Variants in ABCA13 observed in about 807,000 individuals in gnomAD.
The protein encoded by ABCA13 is ATP binding cassette subfamily A member 13.
ABCA13 carries 476 observed loss-of-function variants against 478.7 expected under a neutral mutation model. The observed-to-expected ratio is 0.99, with a 90% CI of 0.92 to 1.07. ABCA13 has a LOEUF of 1.07. Ranked by LOEUF, ABCA13 falls within the 50% of genes least tolerant of loss-of-function variation. ABCA13 has a pLI of 0.00. For missense variants in ABCA13, 6,060 were observed against 5,910.6 expected (o/e 1.03, Z -0.83); for synonymous variants, 2,252 against 2,158.9 (o/e 1.04, Z -1.20).
chr7:48,333,570 A>C (rs1279698779), intron 27 of ABCA13, among the ~76,000 whole-genome samples: 2 of 152,158 alleles, frequency 1.3e-5, no homozygotes, highest in African/African-American at 4.8e-5. Flanking sequence ...GCCCTATGTA[A>C]AAATCTTTTA....
At chr7:48,241,126 T>C (rs370106588) in intron 10 of ABCA13, 60 bp downstream of exon 10, 3 of 1,560,106 alleles carry the variant, frequency 1.9e-6, no homozygotes, top group African/African-American at 2.7e-5. Context: ...TGTTAAAGAG[T>C]GCGTGATGAT....
intron 8 of ABCA13, among the ~76,000 whole-genome samples, chr7:48,237,930 A>G (rs1790211861): frequency 6.6e-6 from 1 of 152,214 alleles, no homozygotes; most frequent in Admixed American, 6.5e-5. Flanking sequence ...GGTATTGTTG[A>G]TTATTTTTAA....
chr7:48,339,213 G>A (rs1806739451), intron 29 of ABCA13, among the ~76,000 whole-genome samples: 3 of 152,172 alleles, frequency 2.0e-5, no homozygotes, highest in African/African-American at 7.2e-5. Context: ...GTTAGAGGAA[G>A]GCAAGACATT....
At position 48,646,314 on chromosome 7, in the gene ABCA13, GTAGTGGTCCCCATAT is replaced by G. The variant is rs1208154839; in HGVS notation, c.*806_*820del. The G allele has an allele frequency of 6.6e-6, 1 of 152,006 alleles. No individual in the cohort carries two copies. The highest frequency in any genetic ancestry group is 2.4e-5 in the African/African-American group (1 of 41,370). The allele number at this position is 152,006 out of a possible 1,614,324, so 9.4% of individuals were successfully genotyped here. A position where few individuals can be genotyped will look rare whatever the true frequency, so the allele number is the denominator to read the frequency against. On this transcript the variant is annotated 3_prime_UTR_variant, in exon 62 of 62. Coordinates refer to ENST00000435803, the MANE Select transcript of ABCA13 (RefSeq NM_152701.5). ...ATTCTAAGTCAGTGTTTTTCAAAGC[GTAGTGGTCCCCATAT>G]TAGCTGCATTGCCATCTTCTGGGAG...
At chr7:48,305,025 A>G (rs1403187855) in intron 23 of ABCA13, among the ~76,000 whole-genome samples, 1 of 152,234 alleles carries the variant, frequency 6.6e-6, no homozygotes, top group East Asian at 1.9e-4. Context: ...CTTTTCCCTT[A>G]AATATCCTGT....
intron 41 of ABCA13, 105 bp downstream of exon 41, chr7:48,412,688 G>A (rs988033987): frequency 3.7e-6 from 3 of 809,462 alleles, no homozygotes; most frequent in African/African-American, 1.8e-5. Context: ...GTAAGGGGGA[G>A]GAGTGTGCAC....
rs191320033 is a variant in ABCA13, at chr7:48,182,368, G to A, written c.70-10591G>A. Among the ~76,000 whole-genome samples, 207 of 152,196 alleles carry A rather than the reference G, an allele frequency of 1.4e-3. 2 individuals carry two copies. In the Middle Eastern group the frequency reaches 0.027, roughly 20 times the overall value. ...TCCTCATTAAAAATCTATCAAATGA[G>A]AATCTTTGGGTTGAAGAGTATGTAC... On this transcript the variant is annotated intron_variant, in intron 1 of 61. Coordinates refer to ENST00000435803, the MANE Select transcript of ABCA13 (RefSeq NM_152701.5).
chr7:48,412,072 T>C (rs888828935), intron 40 of ABCA13, among the ~76,000 whole-genome samples: 1 of 152,088 alleles, frequency 6.6e-6, no homozygotes, highest in African/African-American at 2.4e-5. Flanking sequence ...AATACAAACC[T>C]CTGGAGGCTG....
At chr7:48,549,845 C>T (rs1785148779) in intron 55 of ABCA13, among the ~76,000 whole-genome samples, 2 of 151,888 alleles carry the variant, frequency 1.3e-5, no homozygotes, top group African/African-American at 4.8e-5. Context: ...TGTTTGTTGG[C>T]CAGTTGAATG....
chr7:48,643,221 G>A (rs1795224252), intron 59 of ABCA13, 67 bp from the exon 60 acceptor site: 5 of 1,026,942 alleles, frequency 4.9e-6, no homozygotes, highest in Admixed American at 2.3e-5. Context: ...TGTGAAAATG[G>A]ACTTAGAATT....
intron 59 of ABCA13, among the ~76,000 whole-genome samples, chr7:48,625,755 T>TG (rs1793606528): frequency 6.6e-6 from 1 of 152,208 alleles, no homozygotes; most frequent in African/African-American, 2.4e-5. Context: ...TGTCACTTTA[T>TG]CAAAAGTAAA....
chr7:48,452,798 G>C (rs1825200542), intron 42 of ABCA13, among the ~76,000 whole-genome samples: 1 of 152,134 alleles, frequency 6.6e-6, no homozygotes, highest in Non-Finnish European at 1.5e-5. Flanking sequence ...TTGGTCAAAG[G>C]GCTGTGAAGA....
At chr7:48,236,651 A>G (rs1789995548) in intron 8 of ABCA13, among the ~76,000 whole-genome samples, 1 of 152,234 alleles carries the variant, frequency 6.6e-6, no homozygotes, top group East Asian at 1.9e-4. Flanking sequence ...CCTTTCTCCA[A>G]TAAAAACCCT....
At chr7:48,411,853 C>T (rs997070291) in intron 40 of ABCA13, among the ~76,000 whole-genome samples, 1 of 152,166 alleles carries the variant, frequency 6.6e-6, no homozygotes, top group Admixed American at 6.5e-5. Context: ...TGGTGGCCCA[C>T]GAAAAGTCTT....
At chr7:48,364,390 T>G (rs1426867416) in intron 31 of ABCA13, among the ~76,000 whole-genome samples, 1 of 152,210 alleles carries the variant, frequency 6.6e-6, no homozygotes, top group Non-Finnish European at 1.5e-5. Flanking sequence ...GAGATAGCCA[T>G]CACTTCAACA....
intron 27 of ABCA13, among the ~76,000 whole-genome samples, chr7:48,324,740 A>G (rs761021244): frequency 6.6e-6 from 1 of 152,214 alleles, no homozygotes; most frequent in African/African-American, 2.4e-5. Context: ...CTCGGGACCT[A>G]TATGAATTCC....
intron 29 of ABCA13, among the ~76,000 whole-genome samples, chr7:48,342,234 A>G (rs1363385841): frequency 6.6e-6 from 1 of 151,984 alleles, no homozygotes; most frequent in Non-Finnish European, 1.5e-5. Flanking sequence ...ATGGAGACTC[A>G]CTCAATCCTT....
chr7:48,309,058 C>CACACACACAG (rs1801351216), intron 23 of ABCA13, among the ~76,000 whole-genome samples: 1 of 150,594 alleles, frequency 6.6e-6, no homozygotes. Flanking sequence ...CACACACACA[C>CACACACACAG]ACACACATTC....
At chr7:48,512,939 G>C (rs529921206) in intron 51 of ABCA13, among the ~76,000 whole-genome samples, 9 of 152,312 alleles carry the variant, frequency 5.9e-5, no homozygotes, top group Admixed American at 5.9e-4. Flanking sequence ...CAGGGAAGAA[G>C]AGCCCCCAAG....
Sources: gnomAD v4.1 joint callset for allele counts (sites outside exome capture counted in the v4.1 genomes callset) on GRCh38, gnomAD v4.1.1 for gene constraint, MANE v1.5 for transcripts, NCBI Gene and HGNC (gene_info 2026-07-23, HGNC 2026-07-21) for gene names.